The following FAM178B variants were observed in gnomAD, a reference collection of about 807,000 sequenced individuals.
FAM178B encodes the protein protein FAM178B.
In FAM178B, 82 loss-of-function variants were observed where a neutral mutation model predicts 91.7. The ratio of observed to expected loss-of-function variants is 0.89; its 90% CI spans 0.75 to 1.07. The LOEUF (loss-of-function observed/expected upper bound fraction) is 1.07. FAM178B is among the 50% of genes least tolerant of loss of function. The pLI is 0.00. For synonymous variants in FAM178B, 368 were observed against 359.4 expected (o/e 1.02, Z -0.27); for missense variants, 769 against 846.7 (o/e 0.91, Z 1.14).
At chr2:96,890,910 T>C (rs557817532) in intron 14 of FAM178B, among the ~76,000 whole-genome samples, 79 of 152,220 alleles carry the variant, frequency 5.2e-4, no homozygotes, top group Non-Finnish European at 1.0e-3. Flanking sequence ...TTTACTCTTC[T>C]CTGAGAATAA....
chr2:96,983,878 AT>A (rs1447024692), intron 1 of FAM178B, among the ~76,000 whole-genome samples: 1 of 152,226 alleles, frequency 6.6e-6, no homozygotes, highest in Non-Finnish European at 1.5e-5. Flanking sequence ...ACTATACAAT[AT>A]TTCATCATAT....
At chr2:96,888,672 A>G (rs976248304) in intron 14 of FAM178B, among the ~76,000 whole-genome samples, 4 of 152,366 alleles carry the variant, frequency 2.6e-5, no homozygotes, top group African/African-American at 7.2e-5. Context: ...GGAGCGAAGC[A>G]GTAAAACTTG....
chr2:96,877,778 C>T, intron 16 of FAM178B, 112 bp downstream of exon 16: 3 of 1,113,974 alleles, frequency 2.7e-6, no homozygotes, highest in Non-Finnish European at 3.8e-6. Flanking sequence ...CCACCCATAT[C>T]CCTGCCAGGA....
At chr2:96,955,777 G>T (rs896215482) in intron 6 of FAM178B, among the ~76,000 whole-genome samples, 1 of 150,786 alleles carries the variant, frequency 6.6e-6, no homozygotes, top group Non-Finnish European at 1.5e-5. Flanking sequence ...CTTTATTTTG[G>T]GGGGCAGATG....
intron 8 of FAM178B, among the ~76,000 whole-genome samples, chr2:96,934,120 CA>C (rs1478577981): frequency 1.3e-5 from 2 of 152,198 alleles, no homozygotes; most frequent in Non-Finnish European, 2.9e-5. Flanking sequence ...CAGTGGTGAA[CA>C]AAACACAAAG....
intron 12 of FAM178B, among the ~76,000 whole-genome samples, chr2:96,911,924 A>T (rs6732237): frequency 2.0e-5 from 3 of 152,114 alleles, no homozygotes; most frequent in Non-Finnish European, 4.4e-5. Flanking sequence ...CCACACAGAT[A>T]GGTGCTCAGC....
intron 9 of FAM178B, among the ~76,000 whole-genome samples, chr2:96,928,194 G>A (rs2081478516): frequency 6.6e-6 from 1 of 152,182 alleles, no homozygotes; most frequent in South Asian, 2.1e-4. Flanking sequence ...TCCTGGCGCT[G>A]ACGGATTGTC....
At chr2:96,914,194 T>C (rs1428027278) in intron 12 of FAM178B, among the ~76,000 whole-genome samples, 1 of 152,156 alleles carries the variant, frequency 6.6e-6, no homozygotes, top group East Asian at 1.9e-4. Flanking sequence ...GTCCTGGTAG[T>C]CCGTGGAGAA....
Position 96,912,659 on chromosome 2 carries a change from G to A in FAM178B, c.1562+8506C>T, listed in dbSNP as rs370785710. On this transcript the variant is annotated intron_variant, in intron 12 of 16. Coordinates refer to ENST00000490605, the MANE Select transcript of FAM178B (RefSeq NM_001122646.3). ...GACATCCCACCTGAGAGGGAGCCGCGTCCTCTCCAGCCATGTCCCCCTCCT... is the reference window on the plus strand; with the variant it reads ...GACATCCCACCTGAGAGGGAGCCGCATCCTCTCCAGCCATGTCCCCCTCCT... 1.2e-3 allele frequency among the ~76,000 whole-genome samples: 187 copies of A among 152,274 alleles called. 1 individual carries two copies. Among genetic ancestry groups the A allele is most frequent in the African/African-American group, 4.1e-3 (171 of 41,552 alleles).
In FAM178B at chr2:96,929,205, C is replaced by G; in HGVS notation, c.1193+1G>C. On this transcript the variant is annotated splice_donor_variant, in intron 9 of 16. Coordinates refer to ENST00000490605, the MANE Select transcript of FAM178B (RefSeq NM_001122646.3). LOFTEE classifies it high-confidence loss of function. ...GGCAGTGAGGAAGCAGAAGTACTCA[C>G]CTGCCACCGTGCCAAAAGGGCCCCA... The G allele has an allele frequency of 6.5e-7, 1 of 1,544,286 alleles. No individual in the cohort carries two copies. The highest frequency in any genetic ancestry group is 1.4e-5 in the African/African-American group (1 of 72,972).
intron 1 of FAM178B, among the ~76,000 whole-genome samples, chr2:96,977,192 C>T (rs2082300157): frequency 1.4e-5 from 1 of 70,042 alleles, no homozygotes; most frequent in Non-Finnish European, 3.1e-5. Flanking sequence ...AAGACTCTGT[C>T]TCAAAAAAAA....
At position 96,972,059 on chromosome 2, in the gene FAM178B, C is replaced by T. The variant is rs1170345472; in HGVS notation, c.406G>A (p.Gly136Ser). 1.9e-6 allele frequency: 3 copies of T among 1,547,948 alleles called. No individual in the cohort carries two copies. Among genetic ancestry groups the T allele is most frequent in the Non-Finnish European group, 2.6e-6 (3 of 1,145,652 alleles). ...SREAPAQRWV[G>S]VVGPQGLRRL... ...CTCAGGCCCTGGGGGCCCACCACAC[C>T]CACCCACCTCTGGGCCGGGGCCTCC... Residue 136 changes from glycine (G) to serine (S), a missense_variant, in exon 3 of 17, where the codon GGT (glycine) becomes AGT (serine). Coordinates refer to ENST00000490605, the MANE Select transcript of FAM178B (RefSeq NM_001122646.3).
chr2:96,936,937 GCT>G (rs1367560649), intron 8 of FAM178B, among the ~76,000 whole-genome samples: 1 of 152,102 alleles, frequency 6.6e-6, no homozygotes, highest in Non-Finnish European at 1.5e-5. Context: ...CAAGGACCCA[GCT>G]GAGAGCCTAA....
At chr2:96,917,091 G>A (rs908718012) in intron 12 of FAM178B, among the ~76,000 whole-genome samples, 3 of 152,182 alleles carry the variant, frequency 2.0e-5, no homozygotes, top group East Asian at 1.9e-4. Flanking sequence ...CAAAGAAGGT[G>A]CGGAAACGGC....
intron 14 of FAM178B, among the ~76,000 whole-genome samples, chr2:96,890,069 A>G (rs1243542891): frequency 6.6e-6 from 1 of 152,064 alleles, no homozygotes; most frequent in African/African-American, 2.4e-5. Flanking sequence ...TGAGGTCATG[A>G]GTTCGAGACC....
chr2:96,920,013 G>A (rs2081307056), intron 12 of FAM178B, among the ~76,000 whole-genome samples: 2 of 152,202 alleles, frequency 1.3e-5, no homozygotes, highest in Non-Finnish European at 2.9e-5. Context: ...CAGGGGAAGG[G>A]AAGGGGTCCC....
intron 15 of FAM178B, 125 bp downstream of exon 15, chr2:96,878,291 C>A: frequency 2.0e-6 from 2 of 976,822 alleles, no homozygotes; most frequent in Non-Finnish European, 1.6e-6. Flanking sequence ...TGGCTTCCCT[C>A]TCAGCCTCCC....
At chr2:96,957,013 C>T (rs544288640) in intron 6 of FAM178B, among the ~76,000 whole-genome samples, 1 of 126,870 alleles carries the variant, frequency 7.9e-6, no homozygotes, top group South Asian at 2.2e-4. Flanking sequence ...TGTGCTATCA[C>T]CCATGGCTCA....
At chr2:96,890,684 G>A (rs1036616671) in intron 14 of FAM178B, among the ~76,000 whole-genome samples, 18 of 152,224 alleles carry the variant, frequency 1.2e-4, no homozygotes, top group African/African-American at 4.3e-4. Flanking sequence ...TTCTGCCTGC[G>A]GCCAAAAGAA....
Sources: allele counts gnomAD v4.1 joint callset (sites outside exome capture counted in the v4.1 genomes callset), GRCh38; gene constraint gnomAD v4.1.1; transcripts MANE v1.5; gene names NCBI Gene and HGNC (gene_info 2026-07-23, HGNC 2026-07-21).